The following ARHGAP26 variants were observed in gnomAD, a reference collection of about 807,000 sequenced individuals.
ARHGAP26 encodes Rho GTPase activating protein 26.
ARHGAP26 carries 38 observed loss-of-function variants against 104.8 expected under a neutral mutation model. The observed-to-expected ratio is 0.36, with a 90% CI of 0.28 to 0.48. ARHGAP26 has a LOEUF of 0.48. Among genes scored for constraint, ARHGAP26 ranks in the 20% least tolerant of loss-of-function variants. ARHGAP26 has a pLI of 0.99. For missense variants in ARHGAP26, 704 were observed against 947.9 expected (o/e 0.74, Z 3.38); for synonymous variants, 341 against 340.0 (o/e 1.00, Z -0.03).
At position 143,228,760 on chromosome 5, in the gene ARHGAP26, C is replaced by T. The variant is rs1811851525; in HGVS notation, c.*6314C>T. On this transcript the variant is annotated 3_prime_UTR_variant, in exon 23 of 23. Coordinates refer to ENST00000645722, the MANE Select transcript of ARHGAP26 (RefSeq NM_001135608.3). ...TTGACTATTGACTCGTGCATAGAAT[C>T]CAATGCTGTAATTAGAAAGTAATCT... The T allele has an allele frequency of 5.0e-6, 1 of 201,064 alleles. No homozygotes were observed. The allele number at this position is 201,064 out of a possible 1,614,324, so 12.5% of individuals were successfully genotyped here.
At chr5:143,213,694 C>T (rs1809870122) in intron 21 of ARHGAP26, among the ~76,000 whole-genome samples, 1 of 152,196 alleles carries the variant, frequency 6.6e-6, no homozygotes, top group African/African-American at 2.4e-5. Context: ...AAATGGGGCC[C>T]AGCCTGCCCT....
intron 1 of ARHGAP26, among the ~76,000 whole-genome samples, chr5:142,828,708 G>GC (rs1767790657): frequency 6.6e-6 from 1 of 152,176 alleles, no homozygotes; most frequent in Non-Finnish European, 1.5e-5. Context: ...GGGTAGTCTG[G>GC]TTTGGCAAGG....
chr5:142,945,247 C>G (rs192159746), intron 11 of ARHGAP26, among the ~76,000 whole-genome samples: 13 of 152,320 alleles, frequency 8.5e-5, no homozygotes, highest in Admixed American at 7.2e-4. Flanking sequence ...GGGTCTCTGC[C>G]TGGCTGACGT....
chr5:143,065,067 A>C (rs1038866775), intron 17 of ARHGAP26, among the ~76,000 whole-genome samples: 1 of 152,050 alleles, frequency 6.6e-6, no homozygotes, highest in African/African-American at 2.4e-5. Flanking sequence ...CTCCCAAATT[A>C]AGGGAGGAGT....
intron 1 of ARHGAP26, among the ~76,000 whole-genome samples, chr5:142,813,477 A>AC (rs1225716627): frequency 6.6e-6 from 1 of 152,154 alleles, no homozygotes; most frequent in Non-Finnish European, 1.5e-5. Context: ...GGTGACTTGG[A>AC]CAGTGTGTGT....
At chr5:142,817,543 T>C (rs74608543) in intron 1 of ARHGAP26, among the ~76,000 whole-genome samples, 5,403 of 152,254 alleles carry the variant, frequency 0.035, 247 homozygotes, top group African/African-American at 0.11. Flanking sequence ...GTTGGTGGCC[T>C]GTGGGTGGGA....
At chr5:143,163,228 C>T (rs1801487975) in intron 20 of ARHGAP26, among the ~76,000 whole-genome samples, 1 of 152,188 alleles carries the variant, frequency 6.6e-6, no homozygotes, top group Non-Finnish European at 1.5e-5. Context: ...GGGAGCATTG[C>T]TGCCAATGCA....
At chr5:143,004,017 CAAA>C (rs144058530) in intron 11 of ARHGAP26, among the ~76,000 whole-genome samples, 3 of 118,176 alleles carry the variant, frequency 2.5e-5, no homozygotes, top group African/African-American at 1.1e-4. Flanking sequence ...AATTTATAGA[CAAA>C]AAAAAAAAAA....
intron 1 of ARHGAP26, among the ~76,000 whole-genome samples, chr5:142,861,147 G>C (rs1753254663): frequency 6.6e-6 from 1 of 152,136 alleles, no homozygotes; most frequent in Non-Finnish European, 1.5e-5. Flanking sequence ...GTGCAGAGTG[G>C]GGAGGCGGGG....
chr5:143,144,553 G>C (rs901696446), intron 19 of ARHGAP26, among the ~76,000 whole-genome samples: 1 of 152,078 alleles, frequency 6.6e-6, no homozygotes, highest in Non-Finnish European at 1.5e-5. Flanking sequence ...CCACAGGTGT[G>C]TACCACCAGG....
chr5:143,177,837 C>A (rs1344460304), intron 20 of ARHGAP26, among the ~76,000 whole-genome samples: 2 of 151,974 alleles, frequency 1.3e-5, no homozygotes, highest in Non-Finnish European at 2.9e-5. Context: ...ATTGTTTCCC[C>A]AGCACTTGAG....
rs1791439582 is a variant in ARHGAP26, at chr5:143,091,564, T to C, written c.1539-29424T>C. Among the ~76,000 whole-genome samples the C allele has an allele frequency of 1.3e-5, 2 of 152,242 alleles. 1 individual carries two copies. The highest frequency in any genetic ancestry group is 4.8e-5 in the African/African-American group (2 of 41,466). On this transcript the variant is annotated intron_variant, in intron 17 of 22. Transcript: ENST00000645722. ...AACACCATTTTATATTTGACAGTGC[T>C]TCCTGTATGACTTTTATACCAGATA... is the stretch of plus-strand genomic sequence containing the variant.
intron 17 of ARHGAP26, among the ~76,000 whole-genome samples, chr5:143,087,766 C>T (rs2150500046): frequency 6.7e-6 from 1 of 148,532 alleles, no homozygotes; most frequent in South Asian, 2.1e-4. Context: ...TCTTCTGCCT[C>T]AGCCTCCCGA....
chr5:143,162,159 C>T (rs1036971593), intron 20 of ARHGAP26, among the ~76,000 whole-genome samples: 2 of 149,824 alleles, frequency 1.3e-5, no homozygotes, highest in Non-Finnish European at 3.0e-5. Context: ...GGGAAGCCTG[C>T]ATCCCCTCTG....
At chr5:143,083,420 C>T (rs563430103) in intron 17 of ARHGAP26, among the ~76,000 whole-genome samples, 10 of 152,304 alleles carry the variant, frequency 6.6e-5, no homozygotes, top group Non-Finnish European at 5.9e-5. Flanking sequence ...CTCCAGCATC[C>T]ATTCTGTTGA....
At chr5:143,144,371 C>T (rs1453326994) in intron 19 of ARHGAP26, among the ~76,000 whole-genome samples, 2 of 152,084 alleles carry the variant, frequency 1.3e-5, no homozygotes, top group Non-Finnish European at 2.9e-5. Context: ...TTTCCTGTTT[C>T]GAGTGACATT....
At chr5:142,965,730 G>A (rs557023032) in intron 11 of ARHGAP26, among the ~76,000 whole-genome samples, 7 of 152,258 alleles carry the variant, frequency 4.6e-5, no homozygotes, top group Admixed American at 2.0e-4. Flanking sequence ...GGAACAGCTC[G>A]TGTCCTTGGT....
intron 1 of ARHGAP26, among the ~76,000 whole-genome samples, chr5:142,850,043 C>T (rs539879612): frequency 6.6e-6 from 1 of 152,264 alleles, no homozygotes; most frequent in South Asian, 2.1e-4. Context: ...CTTTCCTTCC[C>T]TTCCTCTGTG....
intron 12 of ARHGAP26, among the ~76,000 whole-genome samples, chr5:143,026,438 G>A (rs1781075685): frequency 1.3e-5 from 2 of 152,162 alleles, no homozygotes; most frequent in African/African-American, 2.4e-5. Flanking sequence ...GAGCAGGAAA[G>A]GTCTCTCTAA....
Sources: allele counts gnomAD v4.1 joint callset (sites outside exome capture counted in the v4.1 genomes callset), GRCh38; gene constraint gnomAD v4.1.1; transcripts MANE v1.5; gene names NCBI Gene and HGNC (gene_info 2026-07-23, HGNC 2026-07-21).